TAFA2: variants seen among roughly 807,000 people sequenced by gnomAD.
TAFA2 encodes the protein chemokine-like protein TAFA-2.
TAFA2 carries 7 observed loss-of-function variants against 18.8 expected under a neutral mutation model. That is an observed-to-expected ratio of 0.37 (90% CI 0.21 to 0.70). The LOEUF (loss-of-function observed/expected upper bound fraction) is 0.70, where lower values mean the gene tolerates loss of function less well. TAFA2 is among the 30% of genes least tolerant of loss of function. TAFA2 has a pLI of 0.53. For synonymous variants in TAFA2, 60 were observed against 54.2 expected (o/e 1.11, Z -0.47); for missense variants, 122 against 158.1 (o/e 0.77, Z 1.23).
intron 2 of TAFA2, among the ~76,000 whole-genome samples, chr12:61,828,867 GC>G (rs1872617602): frequency 1.3e-5 from 2 of 151,672 alleles, no homozygotes; most frequent in Admixed American, 1.3e-4. Flanking sequence ...ACCAACAGTA[GC>G]TTTCAGCATT....
chr12:62,213,287 C>T (rs2062721395), intron 1 of TAFA2, among the ~76,000 whole-genome samples: 1 of 152,094 alleles, frequency 6.6e-6, no homozygotes, highest in Admixed American at 6.5e-5. Flanking sequence ...GGATAAGCTG[C>T]CTAGTTTTCA....
At chr12:61,753,876 T>C in intron 3 of TAFA2, 130 bp from the exon 4 acceptor site, 1 of 633,600 alleles carries the variant, frequency 1.6e-6, no homozygotes, top group South Asian at 3.5e-5. Flanking sequence ...AGGTATGCCT[T>C]TCTTTTTGTT....
At chr12:61,726,151 A>G (rs1434496983) in intron 4 of TAFA2, among the ~76,000 whole-genome samples, 1 of 151,526 alleles carries the variant, frequency 6.6e-6, no homozygotes, top group Admixed American at 6.6e-5. Flanking sequence ...TTAATTTGAT[A>G]TATACCCATT....
chr12:61,994,762 A>G lies in TAFA2; in HGVS notation c.-1-127336T>C, dbSNP rs1880127910. On this transcript the variant is annotated intron_variant, in intron 1 of 4. Transcript: ENST00000416284. ...TCTCCCTTCGTTTCCGTATCTGTGTATTCACAGCTTTCTTCTTACTTGCCT... is the reference window on the plus strand; with the variant it reads ...TCTCCCTTCGTTTCCGTATCTGTGTGTTCACAGCTTTCTTCTTACTTGCCT... Among the ~76,000 whole-genome samples, 3 of 152,010 alleles carry G rather than the reference A, an allele frequency of 2.0e-5. No homozygotes were observed. In the South Asian group the frequency reaches 6.2e-4, roughly 32 times the overall value.
At chr12:61,794,161 A>G (rs1871099025) in intron 2 of TAFA2, among the ~76,000 whole-genome samples, 1 of 151,964 alleles carries the variant, frequency 6.6e-6, no homozygotes, top group Non-Finnish European at 1.5e-5. Flanking sequence ...GTCCACTCCC[A>G]CCACCTGTAT....
intron 1 of TAFA2, among the ~76,000 whole-genome samples, chr12:62,124,311 A>AAG (rs5798633): frequency 1.3e-5 from 2 of 151,962 alleles, no homozygotes; most frequent in Non-Finnish European, 2.9e-5. Flanking sequence ...TAAAAAAAAA[A>AAG]GGGAGTTAAG....
intron 1 of TAFA2, among the ~76,000 whole-genome samples, chr12:62,121,829 T>C (rs899093293): frequency 1.3e-5 from 2 of 152,162 alleles, no homozygotes; most frequent in Admixed American, 6.5e-5. Context: ...TCAAAACAAC[T>C]AGAAAATGTG....
rs192539745 is a variant in TAFA2, at chr12:61,815,779, T to G, written c.106+51541A>C. ...GAGAATCGCAGTATTTAGATGGCAT[T>G]TACAGCTAGAGGCTAGATAAAATTT... On this transcript the variant is annotated intron_variant, in intron 2 of 4. Coordinates refer to ENST00000416284, the MANE Select transcript of TAFA2 (RefSeq NM_178539.5). 1.5e-3 allele frequency among the ~76,000 whole-genome samples: 230 copies of G among 151,472 alleles called. 10 individuals are homozygous for G. The highest frequency in any genetic ancestry group is 5.3e-3 in the African/African-American group (215 of 40,772).
At chr12:61,806,365 A>G (rs1029425448) in intron 2 of TAFA2, among the ~76,000 whole-genome samples, 3 of 152,150 alleles carry the variant, frequency 2.0e-5, no homozygotes, top group African/African-American at 7.2e-5. Context: ...GTCTGCCTCC[A>G]TGTAATATGT....
intron 1 of TAFA2, among the ~76,000 whole-genome samples, chr12:62,019,049 A>T (rs1881031849): frequency 6.6e-6 from 1 of 152,262 alleles, no homozygotes; most frequent in Non-Finnish European, 1.5e-5. Context: ...GAAGACATTT[A>T]TGCAGCCAAA....
chr12:61,799,339 T>C (rs541363328), intron 2 of TAFA2, among the ~76,000 whole-genome samples: 2 of 152,304 alleles, frequency 1.3e-5, no homozygotes, highest in South Asian at 4.1e-4. Context: ...ATTTAGACTT[T>C]GTTCTTAAGC....
chr12:62,194,750 T>C (rs2062642105), upstream of TAFA2, among the ~76,000 whole-genome samples: 1 of 152,202 alleles, frequency 6.6e-6, no homozygotes, highest in African/African-American at 2.4e-5. Flanking sequence ...TTGATACTTC[T>C]TACCTTCTAC....
chr12:61,851,970 G>A (rs913337949), intron 2 of TAFA2, among the ~76,000 whole-genome samples: 8 of 151,834 alleles, frequency 5.3e-5, no homozygotes, highest in African/African-American at 1.9e-4. Context: ...CAATTTGGGA[G>A]GCCGAGGGGG....
At chr12:62,080,572 T>A (rs1196888133) in intron 1 of TAFA2, among the ~76,000 whole-genome samples, 1 of 152,174 alleles carries the variant, frequency 6.6e-6, no homozygotes, top group East Asian at 1.9e-4. Context: ...TGTGTGCTAC[T>A]GGTATGGCTT....
chr12:61,804,973 A>G (rs1404420279), intron 2 of TAFA2, among the ~76,000 whole-genome samples: 1 of 151,844 alleles, frequency 6.6e-6, no homozygotes, highest in Non-Finnish European at 1.5e-5. Context: ...AATCAAACAT[A>G]CTCTAAAACA....
At chr12:62,119,146 A>G (rs899477992) in intron 1 of TAFA2, among the ~76,000 whole-genome samples, 2 of 152,148 alleles carry the variant, frequency 1.3e-5, no homozygotes, top group Admixed American at 1.3e-4. Flanking sequence ...TCATGTTTTC[A>G]TAGACATTTA....
At chr12:62,015,214 C>A (rs980496988) in intron 1 of TAFA2, among the ~76,000 whole-genome samples, 2 of 152,146 alleles carry the variant, frequency 1.3e-5, no homozygotes, top group Non-Finnish European at 2.9e-5. Flanking sequence ...TGTTTGTTCA[C>A]TTTTTATAGC....
chr12:62,060,665 GA>G (rs1157334982), intron 1 of TAFA2, among the ~76,000 whole-genome samples: 1 of 152,206 alleles, frequency 6.6e-6, no homozygotes, highest in Non-Finnish European at 1.5e-5. Context: ...TATTACAGGA[GA>G]TGGTAGCTTC....
At chr12:61,914,477 G>T (rs1481122923) in intron 1 of TAFA2, among the ~76,000 whole-genome samples, 1 of 152,104 alleles carries the variant, frequency 6.6e-6, no homozygotes, top group Non-Finnish European at 1.5e-5. Context: ...AGAAAGCCTG[G>T]TTTTTTGAAA....
Sources: gnomAD v4.1 joint callset for allele counts (sites outside exome capture counted in the v4.1 genomes callset) on GRCh38, gnomAD v4.1.1 for gene constraint, MANE v1.5 for transcripts, NCBI Gene and HGNC (gene_info 2026-07-23, HGNC 2026-07-21) for gene names.